Variants in LRRC53 observed in about 807,000 individuals in gnomAD.
The protein encoded by LRRC53 is leucine-rich repeat-containing protein 53.
LRRC53 carries 25 observed loss-of-function variants against 13.6 expected under a neutral mutation model. The ratio of observed to expected loss-of-function variants is 1.83; its 90% CI spans 1.34 to 2.56. The LOEUF is 2.56. Among genes scored for constraint, LRRC53 ranks in the 30% most tolerant of loss-of-function variants. The probability of loss-of-function intolerance (pLI) is 0.00; values close to 1 mark genes in which losing one functional copy is unlikely to be tolerated. For missense variants in LRRC53, 527 were observed against 275.8 expected (o/e 1.91, Z -6.45); for synonymous variants, 204 against 109.8 (o/e 1.86, Z -5.37).
intron 1 of LRRC53, among the ~76,000 whole-genome samples, chr1:74,507,770 A>C (rs1669980258): frequency 6.6e-6 from 1 of 152,238 alleles, no homozygotes; most frequent in Non-Finnish European, 1.5e-5. Flanking sequence ...GTACTATGGC[A>C]TGAGCTACCG....
At chr1:74,507,097 C>A (rs1189187402) in intron 1 of LRRC53, among the ~76,000 whole-genome samples, 1 of 152,110 alleles carries the variant, frequency 6.6e-6, no homozygotes, top group East Asian at 1.9e-4. Flanking sequence ...ACATAGTGTG[C>A]TGATCGCAAG....
the LRRC53 span, among the ~76,000 whole-genome samples, chr1:74,528,085 G>A: frequency 6.6e-6 from 1 of 152,154 alleles, no homozygotes; most frequent in Non-Finnish European, 1.5e-5. Flanking sequence ...TGTATGAGAA[G>A]GGTGGAGAGA....
chr1:74,529,758 T>A, the LRRC53 span, among the ~76,000 whole-genome samples: 1 of 152,228 alleles, frequency 6.6e-6, no homozygotes, highest in African/African-American at 2.4e-5. Flanking sequence ...AAGATAGTTT[T>A]TAAATGAAAA....
rs999704087 is a variant in LRRC53, at chr1:74,472,195, C to T, written c.1427G>A (p.Ser476Asn). The change falls in exon 5 of 5, where the codon AGC becomes AAC. Residue 476 changes from serine (S) to asparagine (N), a missense_variant. By Grantham distance (46) the Ser-to-Asn change is conservative. Coordinates refer to ENST00000294635, the MANE Select transcript of LRRC53 (RefSeq NM_001382280.1). ...ATATCTTCTTCTAAATATGTCACTGCTGATATCTGTGGAACAATAAATGCA... is the reference window on the plus strand; with the variant it reads ...ATATCTTCTTCTAAATATGTCACTGTTGATATCTGTGGAACAATAAATGCA... ...QHHIIRTEDI[S>N]SDIFRRRYAT... 4.2e-6 allele frequency: 3 copies of T among 716,606 alleles called. No individual in the cohort carries two copies. Among genetic ancestry groups the T allele is most frequent in the Non-Finnish European group, 7.8e-6 (3 of 384,644 alleles). 44.4% of individuals were successfully genotyped at this position (716,606 alleles called of 1,614,324 possible). A position where few individuals can be genotyped will look rare whatever the true frequency, so the allele number is the denominator to read the frequency against.
chr1:74,521,786 G>C, the LRRC53 span, among the ~76,000 whole-genome samples: 5 of 152,186 alleles, frequency 3.3e-5, no homozygotes, highest in African/African-American at 1.2e-4. Flanking sequence ...ATAAATGGGT[G>C]AGTGAATGTT....
intron 4 of LRRC53, 132 bp from the exon 5 acceptor site, chr1:74,472,333 A>C: frequency 6.7e-6 from 4 of 593,112 alleles, no homozygotes; most frequent in Non-Finnish European, 9.0e-6. Context: ...CTATTTCCTA[A>C]TTTGTAACCA....
chr1:74,501,888 A>G (rs1669652312), intron 1 of LRRC53, among the ~76,000 whole-genome samples: 1 of 152,104 alleles, frequency 6.6e-6, no homozygotes, highest in Non-Finnish European at 1.5e-5. Flanking sequence ...ATATATATAT[A>G]TACATTTTCT....
At chr1:74,515,385 AT>A (rs1322923674), upstream of LRRC53, among the ~76,000 whole-genome samples, 1 of 152,184 alleles carries the variant, frequency 6.6e-6, no homozygotes, top group Non-Finnish European at 1.5e-5. Context: ...CTTGAAAGAC[AT>A]TTTTTGGTGC....
chr1:74,524,550 T>G, the LRRC53 span, among the ~76,000 whole-genome samples: 1 of 152,210 alleles, frequency 6.6e-6, no homozygotes, highest in Non-Finnish European at 1.5e-5. Context: ...TCTGGAATGA[T>G]GCTCATAAAA....
chr1:74,484,010 G>C (rs1016164287), intron 1 of LRRC53, among the ~76,000 whole-genome samples: 5 of 151,184 alleles, frequency 3.3e-5, no homozygotes, highest in Non-Finnish European at 7.4e-5. Flanking sequence ...TTTATTTTTT[G>C]CTTTTTCATG....
At chr1:74,472,311 T>G in intron 4 of LRRC53, 110 bp from the exon 5 acceptor site, 1 of 610,882 alleles carries the variant, frequency 1.6e-6, no homozygotes, top group Non-Finnish European at 2.9e-6. Context: ...CTCTGATAAT[T>G]GCAGTTCTTC....
chr1:74,512,186 G>A (rs1040070), intron 1 of LRRC53, among the ~76,000 whole-genome samples: 77 of 152,114 alleles, frequency 5.1e-4, no homozygotes, highest in African/African-American at 1.7e-3. Context: ...CCATAAAGGG[G>A]CATGATTTCT....
At position 74,469,459 on chromosome 1, in the gene LRRC53, T is replaced by G. The variant is rs141379826; in HGVS notation, c.*419A>C. 2,409 of 153,832 alleles carry G rather than the reference T, an allele frequency of 0.016. 69 individuals carry two copies. Among genetic ancestry groups the G allele is most frequent in the African/African-American group, 0.055 (2,284 of 41,610 alleles). The allele number at this position is 153,832 out of a possible 1,614,324, so 9.5% of individuals were successfully genotyped here. ...ACAAATATGAATATATAATTATCCA[T>G]GTAGAAAGCAATATTGTAATACCAC... On this transcript the variant is annotated 3_prime_UTR_variant, in exon 5 of 5. Coordinates refer to ENST00000294635, the MANE Select transcript of LRRC53 (RefSeq NM_001382280.1).
At chr1:74,527,204 C>T in the LRRC53 span, among the ~76,000 whole-genome samples, 325 of 152,184 alleles carry the variant, frequency 2.1e-3, 4 homozygotes, top group African/African-American at 7.0e-3. Context: ...GCCAGGCACA[C>T]GGAGACTCAT....
chr1:74,471,037 A>G lies in LRRC53; in HGVS notation c.2585T>C (p.Met862Thr). Residue 862 changes from methionine to threonine, a missense_variant, in exon 5 of 5, where the codon ATG (methionine) becomes ACG (threonine). Coordinates refer to ENST00000294635, the MANE Select transcript of LRRC53 (RefSeq NM_001382280.1). ...HSHSQFSTEQ[M>T]EDATQLESKV... ...TGATTCAAGCTGAGTTGCATCTTCC[A>G]TTTGCTCAGTTGAGAATTGAGAATG... is the stretch of plus-strand genomic sequence containing the variant. 1 of 400,672 alleles carries G rather than the reference A, an allele frequency of 2.5e-6. No individual in the cohort carries two copies. Among genetic ancestry groups the G allele is most frequent in the Non-Finnish European group, 4.4e-6 (1 of 226,170 alleles). The allele number at this position is 400,672 out of a possible 1,614,324, so 24.8% of individuals were successfully genotyped here. A position where few individuals can be genotyped will look rare whatever the true frequency, so the allele number is the denominator to read the frequency against.
intron 4 of LRRC53, among the ~76,000 whole-genome samples, 187 bp from the exon 5 acceptor site, chr1:74,472,388 A>G (rs149726261): frequency 2.0e-5 from 3 of 152,228 alleles, no homozygotes; most frequent in African/African-American, 7.2e-5. Context: ...TTGCAATGAC[A>G]CTCTTTATGG....
intron 1 of LRRC53, chr1:74,489,213 G>T: frequency 1.9e-6 from 3 of 1,612,060 alleles, no homozygotes; most frequent in South Asian, 1.1e-5. Flanking sequence ...TTCTGAAGTT[G>T]TCATGAAGTT....
chr1:74,484,397 C>T (rs1037242339), intron 1 of LRRC53, among the ~76,000 whole-genome samples: 4 of 152,118 alleles, frequency 2.6e-5, no homozygotes, highest in African/African-American at 9.7e-5. Flanking sequence ...AGAGCAGGGG[C>T]TGACAAGCAC....
chr1:74,522,746 A>G, the LRRC53 span, among the ~76,000 whole-genome samples: 2 of 152,148 alleles, frequency 1.3e-5, no homozygotes, highest in Non-Finnish European at 2.9e-5. Flanking sequence ...TGATCATTTG[A>G]TTCAAATCTG....
Sources: allele counts gnomAD v4.1 joint callset (sites outside exome capture counted in the v4.1 genomes callset), GRCh38; gene constraint gnomAD v4.1.1; transcripts MANE v1.5; gene names NCBI Gene and HGNC (gene_info 2026-07-23, HGNC 2026-07-21).